Variants in EFL1 observed in about 807,000 individuals in gnomAD.
EFL1 encodes the protein elongation factor-like GTPase 1.
A neutral mutation model predicts 126.7 loss-of-function variants in EFL1; 76 were observed. The ratio of observed to expected loss-of-function variants is 0.60; its 90% CI spans 0.50 to 0.73. EFL1 has a LOEUF of 0.73. Ranked by LOEUF, EFL1 falls within the 30% of genes least tolerant of loss-of-function variation. The probability of loss-of-function intolerance (pLI) is 0.00; values close to 1 mark genes in which losing one functional copy is unlikely to be tolerated. For missense variants in EFL1, 1,128 were observed against 1,343.2 expected, an observed-to-expected ratio of 0.84 and a Z score of 2.50; for synonymous variants, 410 against 448.4, an observed-to-expected ratio of 0.91 and a Z score of 1.08.
At chr15:82,254,389 G>A (rs1439476098) in intron 3 of EFL1, among the ~76,000 whole-genome samples, 2 of 151,882 alleles carry the variant, frequency 1.3e-5, no homozygotes, top group African/African-American at 2.4e-5. Context: ...TTTAAGCACT[G>A]AATTGGTATG....
intron 15 of EFL1, among the ~76,000 whole-genome samples, chr15:82,184,954 A>C (rs1374519381): frequency 6.6e-6 from 1 of 152,240 alleles, no homozygotes; most frequent in Non-Finnish European, 1.5e-5. Flanking sequence ...TGTTTAGCTA[A>C]TAAATAGGAG....
intron 18 of EFL1, among the ~76,000 whole-genome samples, chr15:82,148,693 C>T (rs1349451599): frequency 6.6e-6 from 1 of 152,088 alleles, no homozygotes; most frequent in Non-Finnish European, 1.5e-5. Flanking sequence ...GTTCAAGTCT[C>T]CAGGACCAGA....
At chr15:82,252,528 C>T (rs2075031778) in intron 4 of EFL1, among the ~76,000 whole-genome samples, 163 bp downstream of exon 4, 1 of 152,188 alleles carries the variant, frequency 6.6e-6, no homozygotes, top group Admixed American at 6.5e-5. Context: ...CCATCTGCAT[C>T]CAAGCCTGGA....
In EFL1 at chr15:82,130,537, C is replaced by T. The variant is rs780624810; in HGVS notation, c.3199G>A (p.Val1067Met). The T allele has an allele frequency of 6.2e-6, 10 of 1,614,064 alleles. No individual in the cohort carries two copies. Among genetic ancestry groups the T allele is most frequent in the Admixed American group, 5.0e-5 (3 of 59,988 alleles). Residue 1067 changes from valine (V) to methionine (M), a missense_variant, in exon 20 of 20, where the codon GTG becomes ATG. This residue lies in a region of EFL1 where 561 missense variants were observed against 641.7 expected (regional missense o/e 0.87). Coordinates refer to ENST00000268206, the MANE Select transcript of EFL1 (RefSeq NM_024580.6). ...AAGTATTCCTCCTCAGTAGTTGGCA[C>T]CCAGAAGGGGTCACTGGGAATGATC... Reference protein sequence around the residue: ...WEIIPSDPFWVPTTEEEYLHF... With the variant: ...WEIIPSDPFWMPTTEEEYLHF...
intron 18 of EFL1, among the ~76,000 whole-genome samples, chr15:82,141,444 C>G (rs558351662): frequency 6.6e-6 from 1 of 152,188 alleles, no homozygotes; most frequent in Non-Finnish European, 1.5e-5. Flanking sequence ...CCAAGGCAGG[C>G]AGATCACTTG....
intron 18 of EFL1, among the ~76,000 whole-genome samples, chr15:82,145,394 T>C (rs2073834016): frequency 1.3e-5 from 2 of 152,116 alleles, no homozygotes; most frequent in Admixed American, 1.3e-4. Flanking sequence ...TTGGCATTTA[T>C]TCCTATGTGT....
chr15:82,152,129 A>G lies in EFL1; in HGVS notation c.2325T>C (p.Ser775=), dbSNP rs754962168. Residue 775 remains serine (S), a synonymous_variant, in exon 18 of 20, where the codon TCT becomes TCC. Coordinates refer to ENST00000268206, the MANE Select transcript of EFL1 (RefSeq NM_024580.6). The part of the protein sequence containing the change: ...ILEENSDLIR[S]MEQLTSSLNE... ...TCAAAGAGGATGTCAACTGCTCCAT[A>G]GAACGAATCAAATCACTATTTTCTT... 4 of 1,614,046 alleles carry G rather than the reference A, an allele frequency of 2.5e-6. No homozygotes were observed. Among genetic ancestry groups the G allele is most frequent in the African/African-American group, 1.3e-5 (1 of 74,922 alleles).
chr15:82,165,926 C>T (rs149206081), intron 15 of EFL1, among the ~76,000 whole-genome samples: 26 of 152,234 alleles, frequency 1.7e-4, no homozygotes, highest in African/African-American at 6.0e-4. Flanking sequence ...TGGTCAAAGT[C>T]TAAATTTCTT....
intron 14 of EFL1, among the ~76,000 whole-genome samples, chr15:82,217,373 G>GAAAAAA: frequency 5.9e-4 from 16 of 27,150 alleles, no homozygotes; most frequent in East Asian, 1.9e-3. Flanking sequence ...GATTAGATTT[G>GAAAAAA]AAAAAAAAAA....
At chr15:82,162,645 C>G (rs1345188795) in intron 16 of EFL1, among the ~76,000 whole-genome samples, 2 of 152,138 alleles carry the variant, frequency 1.3e-5, no homozygotes, top group East Asian at 3.9e-4. Flanking sequence ...AGTGACAGCC[C>G]ACAAAAAATT....
intron 14 of EFL1, among the ~76,000 whole-genome samples, chr15:82,217,757 G>A (rs1306956432): frequency 1.3e-5 from 2 of 152,276 alleles, no homozygotes; most frequent in East Asian, 3.9e-4. Context: ...GAGTGTGAGT[G>A]GGACCTGTGA....
rs763503293 is a variant in EFL1 at position 82,227,459 on chromosome 15, G to A, written c.1183C>T (p.Leu395=). 7 of 1,614,150 alleles carry A rather than the reference G, an allele frequency of 4.3e-6. No individual in the cohort carries two copies. The East Asian group carries it at 1.3e-4, about 31-fold the overall frequency. The change falls in exon 11 of 20, where the codon CTG becomes TTG. Residue 395 remains leucine (L), a synonymous_variant. Transcript: ENST00000268206. ...GTCCATCTTTCCTCACCTGCTTTCA[G>A]TGCTTGAGTTTCTGGTGGAAAAGAG... ...FDSFPPETQA[L]KAAFMKCGSE... is the part of the protein sequence containing the mutation.
intron 15 of EFL1, among the ~76,000 whole-genome samples, chr15:82,182,587 G>T (rs954510999): frequency 6.6e-6 from 1 of 152,146 alleles, no homozygotes; most frequent in Non-Finnish European, 1.5e-5. Context: ...ACTTTGGGAG[G>T]CCGAGGCGGG....
intron 14 of EFL1, among the ~76,000 whole-genome samples, chr15:82,218,568 G>T (rs2074675309): frequency 6.6e-6 from 1 of 152,114 alleles, no homozygotes; most frequent in East Asian, 1.9e-4. Context: ...AAAATTAACT[G>T]ATACTTGACC....
rs1158766470 is a variant in EFL1 at position 82,247,675 on chromosome 15, G to C, written c.244+5016C>G. 1.3e-5 allele frequency among the ~76,000 whole-genome samples: 2 copies of C among 151,658 alleles called. 1 individual carries two copies. Among genetic ancestry groups the C allele is most frequent in the African/African-American group, 4.8e-5 (2 of 41,322 alleles). On this transcript the variant is annotated intron_variant, in intron 4 of 19. Transcript: ENST00000268206. ...TCATCAGAAGACAGCCAGGCAGAAG[G>C]GGGAAACGTCAATAAAAAGACATTG...
At chr15:82,239,338 T>C (rs1223955306) in intron 6 of EFL1, among the ~76,000 whole-genome samples, 1 of 151,976 alleles carries the variant, frequency 6.6e-6, no homozygotes, top group Non-Finnish European at 1.5e-5. Flanking sequence ...GGGTTTCACC[T>C]TGTTCGACAG....
At chr15:82,136,273 C>A (rs1164749840) in intron 19 of EFL1, among the ~76,000 whole-genome samples, 1 of 152,152 alleles carries the variant, frequency 6.6e-6, no homozygotes, top group Non-Finnish European at 1.5e-5. Flanking sequence ...TACAGACAAT[C>A]CCAGTGATTA....
chr15:82,152,441 A>C lies in EFL1; in HGVS notation c.2031-18T>G. 6.4e-7 allele frequency: 1 copy of C among 1,569,806 alleles called. No homozygotes were observed. The highest frequency in any genetic ancestry group is 1.4e-5 in the African/African-American group (1 of 73,264). On this transcript the variant is annotated intron_variant, in intron 17 of 19. Transcript: ENST00000268206. ...TTGCAAACCTACAGACAAATTCAAG[A>C]GAAATAACAGAAGGTTAAAATCAAA...
Position 82,151,965 on chromosome 15 carries a change from T to C in EFL1, c.2489A>G (p.Lys830Arg). The part of the protein sequence containing the change: ...VDQIWSFGPR[K>R]CGPNILVNKS... ...ATTGACTAGTATGTTGGGCCCACATTTTCTTGGGCCAAATGACCAGATTTG... is the reference window on the plus strand; with the variant it reads ...ATTGACTAGTATGTTGGGCCCACATCTTCTTGGGCCAAATGACCAGATTTG... The change falls in exon 18 of 20, where the codon AAA (lysine) becomes AGA (arginine). Residue 830 changes from lysine (K) to arginine (R), a missense_variant. Coordinates refer to ENST00000268206, the MANE Select transcript of EFL1 (RefSeq NM_024580.6). 1 of 1,614,108 alleles carries C rather than the reference T, an allele frequency of 6.2e-7. No homozygotes were observed. The highest frequency in any genetic ancestry group is 1.1e-5 in the South Asian group (1 of 91,074).
Sources: allele counts gnomAD v4.1 joint callset (sites outside exome capture counted in the v4.1 genomes callset), GRCh38; gene constraint gnomAD v4.1.1; regional missense constraint gnomAD v4.1.1; transcripts MANE v1.5; gene names NCBI Gene and HGNC (gene_info 2026-07-23, HGNC 2026-07-21).